The following DMRTC2 variants were observed in gnomAD, a reference collection of about 807,000 sequenced individuals.
The protein encoded by DMRTC2 is doublesex- and mab-3-related transcription factor C2.
DMRTC2 carries 13 observed loss-of-function variants against 39.9 expected under a neutral mutation model. The ratio of observed to expected loss-of-function variants is 0.33; its 90% CI spans 0.21 to 0.52. The LOEUF (loss-of-function observed/expected upper bound fraction) is 0.52. DMRTC2 is among the 20% of genes least tolerant of loss of function. DMRTC2 has a pLI of 0.96. For synonymous variants in DMRTC2, 189 were observed against 185.2 expected, an observed-to-expected ratio of 1.02 and a Z score of -0.17; for missense variants, 431 against 472.8, an observed-to-expected ratio of 0.91 and a Z score of 0.82.
Position 41,851,963 on chromosome 19 carries a change from AAGAG to A in DMRTC2, c.*272_*275del, listed in dbSNP as rs1555837524. On this transcript the variant is annotated 3_prime_UTR_variant, in exon 9 of 9. Transcript: ENST00000269945. ...CTGGGATCTCTTGAAATCCCCAATA[AAGAG>A]AGAGTTGTGCTATTTAAGCTGACCA... The A allele has an allele frequency of 2.1e-6, 1 of 468,840 alleles. No homozygotes were observed. The highest frequency in any genetic ancestry group is 2.0e-5 in the African/African-American group (1 of 50,848). 29.0% of individuals were successfully genotyped at this position (468,840 alleles called of 1,614,324 possible).
In DMRTC2 at chr19:41,851,601, G is replaced by C. The variant is rs782344154; in HGVS notation, c.1009G>C (p.Gly337Arg). 6.2e-7 allele frequency: 1 copy of C among 1,614,148 alleles called. No individual in the cohort carries two copies. The highest frequency in any genetic ancestry group is 1.1e-5 in the South Asian group (1 of 91,076). Residue 337 changes from glycine (G) to arginine (R), a missense_variant, in exon 9 of 9, where the codon GGA becomes CGA. Coordinates refer to ENST00000269945, the MANE Select transcript of DMRTC2 (RefSeq NM_001040283.3). ...CGPPAPAGGR[G>R]FQPVGPCLRP... The stretch of plus-strand genomic sequence containing the variant: ...GCCTGTAGCTCCTGCTGGAGGAAGA[G>C]GATTCCAGCCTGTTGGCCCCTGTCT...
intron 8 of DMRTC2, chr19:41,850,966 G>A (rs2073947135): frequency 1.3e-5 from 5 of 398,866 alleles, no homozygotes; most frequent in African/African-American, 4.2e-5. Flanking sequence ...AGGGCATATA[G>A]TGAGACAGTG....
chr19:41,848,432 C>G lies in DMRTC2; in HGVS notation c.371-20C>G, dbSNP rs782413388. Reference sequence around the variant, plus strand: ...GGTCAGGAGAAAGGGCTCATTAGAGCTCTCCCTGGTCCTTCACAGCTGGAA... The same window carrying G: ...GGTCAGGAGAAAGGGCTCATTAGAGGTCTCCCTGGTCCTTCACAGCTGGAA... On this transcript the variant is annotated intron_variant, in intron 3 of 8. Coordinates refer to ENST00000269945, the MANE Select transcript of DMRTC2 (RefSeq NM_001040283.3). 9.4e-6 allele frequency: 15 copies of G among 1,589,186 alleles called. No homozygotes were observed. The South Asian group carries it at 1.6e-4, about 17-fold the overall frequency.
At position 41,851,889 on chromosome 19, in the gene DMRTC2, T is replaced by C. The variant is rs551623821; in HGVS notation, c.*193T>C. On this transcript the variant is annotated 3_prime_UTR_variant, in exon 9 of 9. Coordinates refer to ENST00000269945, the MANE Select transcript of DMRTC2 (RefSeq NM_001040283.3). ...TTAGCTTTCAGTTCCTTTGGTAGTG[T>C]GGGCATTTCCTTGGCTGACAGTGGA... The C allele has an allele frequency of 1.7e-6, 1 of 596,080 alleles. No individual in the cohort carries two copies. Among genetic ancestry groups the C allele is most frequent in the Non-Finnish European group, 3.0e-6 (1 of 337,426 alleles). The allele number at this position is 596,080 out of a possible 1,614,324, so 36.9% of individuals were successfully genotyped here. A position where few individuals can be genotyped will look rare whatever the true frequency, so the allele number is the denominator to read the frequency against.
chr19:41,851,358 C>CA, intron 8 of DMRTC2: 1 of 528,894 alleles, frequency 1.9e-6, no homozygotes, highest in East Asian at 3.1e-5. Context: ...CGTTTCTGAA[C>CA]TAAGCAAGGA....
Position 41,847,728 on chromosome 19 carries a change from A to C in DMRTC2, c.225-8A>C. ...GCTGACCTTTGACTTGCAACTCCCC[A>C]CTTTTAGGGAGCGCCGCAGGGTCAT... On this transcript the variant is annotated splice_region_variant and splice_polypyrimidine_tract_variant and intron_variant, in intron 2 of 8. Transcript: ENST00000269945. The C allele has an allele frequency of 6.2e-7, 1 of 1,614,028 alleles. No individual in the cohort carries two copies. Among genetic ancestry groups the C allele is most frequent in the South Asian group, 1.1e-5 (1 of 91,076 alleles).
rs781784867 is a variant in DMRTC2, at chr19:41,850,540, G to A, written c.831G>A (p.Ser277=). The A allele has an allele frequency of 1.4e-5, 22 of 1,612,412 alleles. No homozygotes were observed. Among genetic ancestry groups the A allele is most frequent in the Non-Finnish European group, 1.7e-5 (20 of 1,179,316 alleles). ...TTCCCTTGCAGGCCTCTGGAGCCTC[G>A]TGCCTGGCCCGGACATCTGGCCCCT... ...LQLQPQASGA[S]CLARTSGPSE... is the part of the protein sequence containing the mutation. The change falls in exon 8 of 9, where the codon TCG becomes TCA. Residue 277 remains serine, a synonymous_variant. Transcript: ENST00000269945.
chr19:41,850,663 T>C lies in DMRTC2; in HGVS notation c.954T>C (p.Pro318=), dbSNP rs375572142. ...TGACCCCTTCTGTGCCCCCCAACCC[T>C]GCCTGGATCTCCCTGCTTCACCCCT... ...PRVTPSVPPN[P]AWISLLHPCG... The change falls in exon 8 of 9, where the codon CCT becomes CCC. Residue 318 remains proline (P), a synonymous_variant. Transcript: ENST00000269945. The C allele has an allele frequency of 8.7e-6, 14 of 1,600,728 alleles. No individual in the cohort carries two copies. Among genetic ancestry groups the C allele is most frequent in the Non-Finnish European group, 1.2e-5 (14 of 1,173,870 alleles).
In DMRTC2 at chr19:41,848,960, C is replaced by T. The variant is rs2073912554; in HGVS notation, c.613C>T (p.Leu205=). 1 of 1,614,142 alleles carries T rather than the reference C, an allele frequency of 6.2e-7. No homozygotes were observed. Among genetic ancestry groups the T allele is most frequent in the Admixed American group, 1.7e-5 (1 of 60,026 alleles). ...GCTGTACCAAGAACCTGCTGTCTCT[C>T]TGCCTCCCTTCCCTGGTAAGATGAT... is the stretch of plus-strand genomic sequence containing the variant. ...RLLYQEPAVS[L]PPFPGFDPGT... The change falls in exon 5 of 9, where the codon CTG becomes TTG. Residue 205 remains leucine, a synonymous_variant. Transcript: ENST00000269945.
Position 41,849,165 on chromosome 19 carries a change from C to G in DMRTC2, c.664C>G (p.His222Asp). 1 of 1,614,204 alleles carries G rather than the reference C, an allele frequency of 6.2e-7. No individual in the cohort carries two copies. Among genetic ancestry groups the G allele is most frequent in the Non-Finnish European group, 8.5e-7 (1 of 1,180,036 alleles). ...TGGCACCTCCCTCCAGCTGCCCACT[C>G]ATGGGCCCTTCACCACCTGCCCAGG... Reference protein sequence around the residue: ...DPGTSLQLPTHGPFTTCPGSH... With the variant: ...DPGTSLQLPTDGPFTTCPGSH... Residue 222 changes from histidine to aspartate, a missense_variant, in exon 6 of 9, where the codon CAT becomes GAT. By Grantham distance (81) the His-to-Asp change is moderately conservative (BLOSUM62 -1). Transcript: ENST00000269945.
chr19:41,848,297 G>C (rs891128524), intron 3 of DMRTC2, among the ~76,000 whole-genome samples, 155 bp from the exon 4 acceptor site: 3 of 151,878 alleles, frequency 2.0e-5, no homozygotes, highest in Non-Finnish European at 4.4e-5. Flanking sequence ...AGTGAGCCAA[G>C]ATCACGCCAC....
chr19:41,851,586 C>A lies in DMRTC2; in HGVS notation c.994C>A (p.Pro332Thr), dbSNP rs782270959. ...TGCCCCTTCCTTCTTGCCTGTAGCTCCTGCTGGAGGAAGAGGATTCCAGCC... is the reference window on the plus strand; with the variant it reads ...TGCCCCTTCCTTCTTGCCTGTAGCTACTGCTGGAGGAAGAGGATTCCAGCC... Reference protein sequence around the residue: ...SLLHPCGPPAPAGGRGFQPVG... With the variant: ...SLLHPCGPPATAGGRGFQPVG... Residue 332 changes from proline (P) to threonine (T), a missense_variant and splice_region_variant, in exon 9 of 9, where the codon CCT becomes ACT. Pro to Thr is a conservative substitution (Grantham distance 38). Coordinates refer to ENST00000269945, the MANE Select transcript of DMRTC2 (RefSeq NM_001040283.3). 1 of 1,614,084 alleles carries A rather than the reference C, an allele frequency of 6.2e-7. No homozygotes were observed. Among genetic ancestry groups the A allele is most frequent in the Non-Finnish European group, 8.5e-7 (1 of 1,179,938 alleles).
intron 3 of DMRTC2, 57 bp from the exon 4 acceptor site, chr19:41,848,395 G>A: frequency 6.9e-7 from 1 of 1,445,600 alleles, no homozygotes; most frequent in Non-Finnish European, 9.4e-7. Context: ...TCTGGGGTTG[G>A]GGTAGGATAG....
chr19:41,850,866 C>A, intron 8 of DMRTC2, 166 bp downstream of exon 8: 2 of 653,958 alleles, frequency 3.1e-6, no homozygotes, highest in Non-Finnish European at 4.8e-6. Context: ...GAGAGTTATT[C>A]AGTGAATCCT....
At position 41,847,028 on chromosome 19, in the gene DMRTC2, A is replaced by T. The variant is rs560585724; in HGVS notation, c.-4-397A>T. ...CCATCTCTACTAAACATACAAAAAT[A>T]AAAAAAAATAGCCGGGCATGGTGGC... On this transcript the variant is annotated intron_variant, in intron 1 of 8. Coordinates refer to ENST00000269945, the MANE Select transcript of DMRTC2 (RefSeq NM_001040283.3). Among the ~76,000 whole-genome samples, 283 of 150,446 alleles carry T rather than the reference A, an allele frequency of 1.9e-3. 3 individuals are homozygous for T. The highest frequency in any genetic ancestry group is 3.1e-3 in the Non-Finnish European group (212 of 67,442).
chr19:41,849,375 G>C, intron 6 of DMRTC2, 119 bp downstream of exon 6: 1 of 1,416,554 alleles, frequency 7.1e-7, no homozygotes, highest in Non-Finnish European at 9.5e-7. Context: ...TAATAGGCAA[G>C]GCAGAGCTCT....
At chr19:41,847,013 T>C (rs2073868959) in intron 1 of DMRTC2, among the ~76,000 whole-genome samples, 1 of 151,148 alleles carries the variant, frequency 6.6e-6, no homozygotes, top group Non-Finnish European at 1.5e-5. Context: ...CCATCTCTAC[T>C]AAACATACAA....
chr19:41,851,383 C>G (rs1035295309), intron 8 of DMRTC2: 1 of 566,222 alleles, frequency 1.8e-6, no homozygotes, highest in Non-Finnish European at 3.2e-6. Flanking sequence ...TTCAGAGACC[C>G]TGAGCTTTAG....
intron 3 of DMRTC2, 26 bp from the exon 4 acceptor site, chr19:41,848,425 AT>A: frequency 6.3e-7 from 1 of 1,581,998 alleles, no homozygotes; most frequent in Non-Finnish European, 8.6e-7. Flanking sequence ...GAAAGGGCTC[AT>A]TAGAGCTCTC....
Sources: gnomAD v4.1 joint callset for allele counts (sites outside exome capture counted in the v4.1 genomes callset) on GRCh38, gnomAD v4.1.1 for gene constraint, MANE v1.5 for transcripts, NCBI Gene and HGNC (gene_info 2026-07-23, HGNC 2026-07-21) for gene names.